KCNK15: variants seen among roughly 807,000 people sequenced by gnomAD.
KCNK15 encodes potassium two pore domain channel subfamily K member 15.
KCNK15 carries 9 observed loss-of-function variants against 8.5 expected under a neutral mutation model. The observed-to-expected ratio is 1.06, with a 90% CI of 0.64 to 1.85. KCNK15 has a LOEUF of 1.85. Among genes scored for constraint, KCNK15 ranks in the 40% most tolerant of loss-of-function variants. The probability of loss-of-function intolerance (pLI) is 0.00; values close to 1 mark genes in which losing one functional copy is unlikely to be tolerated. For missense variants in KCNK15, 467 were observed against 476.8 expected, an observed-to-expected ratio of 0.98 and a Z score of 0.19; for synonymous variants, 224 against 232.7, an observed-to-expected ratio of 0.96 and a Z score of 0.34.
chr20:44,750,648 C>T lies in KCNK15; in HGVS notation c.803C>T (p.Ala268Val), dbSNP rs769302905. Residue 268 changes from alanine (A) to valine (V), a missense_variant, in exon 2 of 2, where the codon GCG becomes GTG. By Grantham distance (64) the Ala-to-Val change is moderately conservative. Coordinates refer to ENST00000372861, the MANE Select transcript of KCNK15 (RefSeq NM_022358.4). ...ARTPSPRPPG[A>V]PESRGLWLPR... The stretch of plus-strand genomic sequence containing the variant: ...ACCCCCAGCCCGCGCCCCCCGGGGG[C>T]GCCCGAGAGCCGTGGCCTCTGGCTG... 2 of 1,512,308 alleles carry T rather than the reference C, an allele frequency of 1.3e-6. No individual in the cohort carries two copies. The highest frequency in any genetic ancestry group is 1.2e-5 in the South Asian group (1 of 80,460). 93.7% of individuals were successfully genotyped at this position (1,512,308 alleles called of 1,614,324 possible).
chr20:44,750,875 A>G lies in KCNK15; in HGVS notation c.*37A>G. On this transcript the variant is annotated 3_prime_UTR_variant, in exon 2 of 2. Transcript: ENST00000372861. ...AGGCCAGGGTCGAATCTGGAATGGG[A>G]GGGTCTGGCTTCAGCTATCAGGGCA... 1 of 1,305,608 alleles carries G rather than the reference A, an allele frequency of 7.7e-7. No individual in the cohort carries two copies. Among genetic ancestry groups the G allele is most frequent in the South Asian group, 1.9e-5 (1 of 51,976 alleles). 80.9% of individuals were successfully genotyped at this position (1,305,608 alleles called of 1,614,324 possible).
At chr20:44,747,116 G>A (rs2066010999) in intron 1 of KCNK15, 1 of 152,258 alleles carries the variant, frequency 6.6e-6, no homozygotes, top group Non-Finnish European at 1.5e-5. Flanking sequence ...CAGTGCCTTG[G>A]AGAAAGTTTC....
At position 44,750,659 on chromosome 20, in the gene KCNK15, C is replaced by G. The variant is rs1356001247; in HGVS notation, c.814C>G (p.Arg272Gly). Residue 272 changes from arginine to glycine, a missense_variant, in exon 2 of 2, where the codon CGT becomes GGT. This residue lies in a region of KCNK15 where 455 missense variants were observed against 441.2 expected (regional missense o/e 1.03). Transcript: ENST00000372861. The part of the protein sequence containing the change: ...SPRPPGAPES[R>G]GLWLPRRPAR... ...GCGCCCCCCGGGGGCGCCCGAGAGCCGTGGCCTCTGGCTGCCCCGCCGCCC... is the reference window on the plus strand; with the variant it reads ...GCGCCCCCCGGGGGCGCCCGAGAGCGGTGGCCTCTGGCTGCCCCGCCGCCC... 4 of 1,500,004 alleles carry G rather than the reference C, an allele frequency of 2.7e-6. No homozygotes were observed. Among genetic ancestry groups the G allele is most frequent in the Admixed American group, 2.2e-5 (1 of 45,784 alleles). 92.9% of individuals were successfully genotyped at this position (1,500,004 alleles called of 1,614,324 possible). A position where few individuals can be genotyped will look rare whatever the true frequency, so the allele number is the denominator to read the frequency against.
At chr20:44,748,288 C>T (rs2066015700) in intron 1 of KCNK15, among the ~76,000 whole-genome samples, 1 of 152,092 alleles carries the variant, frequency 6.6e-6, no homozygotes, top group Admixed American at 6.5e-5. Context: ...ATGGGGACTA[C>T]ACCACCATCG....
intron 1 of KCNK15, among the ~76,000 whole-genome samples, chr20:44,748,846 G>T (rs1190465947): frequency 6.6e-6 from 1 of 152,132 alleles, no homozygotes; most frequent in East Asian, 1.9e-4. Context: ...GATGCCAGTA[G>T]CACACAGCCA....
chr20:44,750,669 G>C lies in KCNK15; in HGVS notation c.824G>C (p.Trp275Ser). ...PPGAPESRGL[W>S]LPRRPARSVG... The stretch of plus-strand genomic sequence containing the variant: ...GGGGCGCCCGAGAGCCGTGGCCTCT[G>C]GCTGCCCCGCCGCCCGGCCCGCTCC... The change falls in exon 2 of 2, where the codon TGG becomes TCG. Residue 275 changes from tryptophan to serine, a missense_variant. Trp to Ser is a radical substitution (Grantham distance 177, BLOSUM62 -3). Transcript: ENST00000372861. 6.8e-7 allele frequency: 1 copy of C among 1,481,204 alleles called. No individual in the cohort carries two copies. The highest frequency in any genetic ancestry group is 8.9e-7 in the Non-Finnish European group (1 of 1,123,394). 91.8% of individuals were successfully genotyped at this position (1,481,204 alleles called of 1,614,324 possible).
chr20:44,746,107 C>T lies in KCNK15; in HGVS notation c.197C>T (p.Ala66Val). 2 of 1,498,856 alleles carry T rather than the reference C, an allele frequency of 1.3e-6. No individual in the cohort carries two copies. Among genetic ancestry groups the T allele is most frequent in the African/African-American group, 1.4e-5 (1 of 69,054 alleles). 92.8% of individuals were successfully genotyped at this position (1,498,856 alleles called of 1,614,324 possible). Residue 66 changes from alanine to valine, a missense_variant, in exon 1 of 2, where the codon GCG becomes GTG. Physicochemically the swap from Ala to Val is moderately conservative, Grantham distance 64 (BLOSUM62 0). Around this residue, in one of 2 missense-constraint regions of KCNK15, gnomAD observed 455 missense variants for 441.2 expected, o/e 1.03. Coordinates refer to ENST00000372861, the MANE Select transcript of KCNK15 (RefSeq NM_022358.4). ...AEDYRELERLALQAEPHRAGR... is the reference protein window; with the variant it reads ...AEDYRELERLVLQAEPHRAGR... The stretch of plus-strand genomic sequence containing the variant: ...GACTACCGCGAGCTGGAGCGCCTGG[C>T]GCTCCAGGCTGAGCCCCACCGCGCC...
chr20:44,746,910 T>A lies in KCNK15; in HGVS notation c.283+717T>A, dbSNP rs117336792. ...CTCTGCCCTCAGGGATGCAGAGCAG[T>A]TCCTTTGGAGCATCTGGACCACCAG... On this transcript the variant is annotated intron_variant, in intron 1 of 1. Transcript: ENST00000372861. The A allele has an allele frequency of 1.1e-4, 16 of 152,288 alleles. No homozygotes were observed. The East Asian group carries it at 3.1e-3, about 29-fold the overall frequency. The allele number at this position is 152,288 out of a possible 1,614,324, so 9.4% of individuals were successfully genotyped here. A position where few individuals can be genotyped will look rare whatever the true frequency, so the allele number is the denominator to read the frequency against.
chr20:44,750,896 G>C lies in KCNK15; in HGVS notation c.*58G>C. The C allele has an allele frequency of 8.5e-7, 1 of 1,179,988 alleles. No individual in the cohort carries two copies. The highest frequency in any genetic ancestry group is 3.2e-5 in the East Asian group (1 of 31,366). 73.1% of individuals were successfully genotyped at this position (1,179,988 alleles called of 1,614,324 possible). On this transcript the variant is annotated 3_prime_UTR_variant, in exon 2 of 2. Coordinates refer to ENST00000372861, the MANE Select transcript of KCNK15 (RefSeq NM_022358.4). ...TGGGAGGGTCTGGCTTCAGCTATCA[G>C]GGCACCCTCCCCAGGGATTGGAAAC...
Position 44,750,877 on chromosome 20 carries a change from G to T in KCNK15, c.*39G>T. On this transcript the variant is annotated 3_prime_UTR_variant, in exon 2 of 2. Transcript: ENST00000372861. ...GCCAGGGTCGAATCTGGAATGGGAG[G>T]GTCTGGCTTCAGCTATCAGGGCACC... The T allele has an allele frequency of 7.7e-7, 1 of 1,294,236 alleles. No homozygotes were observed. Among genetic ancestry groups the T allele is most frequent in the Non-Finnish European group, 9.9e-7 (1 of 1,008,512 alleles). The allele number at this position is 1,294,236 out of a possible 1,614,324, so 80.2% of individuals were successfully genotyped here.
intron 1 of KCNK15, chr20:44,746,513 G>C: frequency 3.7e-6 from 1 of 268,642 alleles, no homozygotes; most frequent in Non-Finnish European, 7.0e-6. Flanking sequence ...GGGAGACCAA[G>C]TGGCTGGATT....
chr20:44,748,926 C>A (rs1448565389), intron 1 of KCNK15, among the ~76,000 whole-genome samples: 1 of 152,196 alleles, frequency 6.6e-6, no homozygotes, highest in Non-Finnish European at 1.5e-5. Context: ...CCCTCAAAGG[C>A]AAAACCACCC....
At chr20:44,747,600 T>C (rs2066012733) in intron 1 of KCNK15, among the ~76,000 whole-genome samples, 1 of 152,226 alleles carries the variant, frequency 6.6e-6, no homozygotes, top group Admixed American at 6.5e-5. Context: ...TTTGGCCTCT[T>C]ACCCTGGTTC....
chr20:44,750,500 C>T lies in KCNK15; in HGVS notation c.655C>T (p.Pro219Ser). ...CGGCGAGGCGCTGCAGAGGAAGCTC[C>T]CCTACGTGGCCTTCAGCTTCCTCTA... is the stretch of plus-strand genomic sequence containing the variant. ...QSGEALQRKLPYVAFSFLYIL... is the reference protein window; with the variant it reads ...QSGEALQRKLSYVAFSFLYIL... Residue 219 changes from proline (P) to serine (S), a missense_variant, in exon 2 of 2, where the codon CCC (proline) becomes TCC (serine). Physicochemically the swap from Pro to Ser is moderately conservative, Grantham distance 74. Around this residue, in one of 2 missense-constraint regions of KCNK15, gnomAD observed 455 missense variants for 441.2 expected, o/e 1.03. Coordinates refer to ENST00000372861, the MANE Select transcript of KCNK15 (RefSeq NM_022358.4). 6.2e-7 allele frequency: 1 copy of T among 1,613,950 alleles called. No individual in the cohort carries two copies.
At position 44,745,898 on chromosome 20, in the gene KCNK15, G is replaced by A; in HGVS notation, c.-13G>A. On this transcript the variant is annotated 5_prime_UTR_variant, in exon 1 of 2. Transcript: ENST00000372861. ...CAGGTTGGGACCGCGGCGGGTACCG[G>A]GGCCGGGGCGCCATGCGGAGGCCGA... The A allele has an allele frequency of 7.7e-7, 1 of 1,294,796 alleles. No individual in the cohort carries two copies. 80.2% of individuals were successfully genotyped at this position (1,294,796 alleles called of 1,614,324 possible).
intron 1 of KCNK15, 147 bp downstream of exon 1, chr20:44,746,340 G>A (rs1315371339): frequency 6.0e-6 from 4 of 667,478 alleles, no homozygotes; most frequent in Non-Finnish European, 8.7e-6. Flanking sequence ...CATCTCCTTC[G>A]CCTCCCTCGT....
At position 44,751,738 on chromosome 20, in the gene KCNK15, C is replaced by T. The variant is rs926318066; in HGVS notation, c.*900C>T. On this transcript the variant is annotated 3_prime_UTR_variant, in exon 2 of 2. Coordinates refer to ENST00000372861, the MANE Select transcript of KCNK15 (RefSeq NM_022358.4). ...CCCGAGGTGTGGCATCCTGGCACCC[C>T]GTGGCACTCAGCCACTTCCCCTGGC... The T allele has an allele frequency of 1.4e-4, 22 of 152,306 alleles. No homozygotes were observed. Among genetic ancestry groups the T allele is most frequent in the African/African-American group, 4.8e-4 (20 of 41,554 alleles). The allele number at this position is 152,306 out of a possible 1,614,324, so 9.4% of individuals were successfully genotyped here.
rs1218778389 is a variant in KCNK15, at chr20:44,750,698, G to A, written c.853G>A (p.Gly285Ser). 6.7e-7 allele frequency: 1 copy of A among 1,501,628 alleles called. No homozygotes were observed. The highest frequency in any genetic ancestry group is 2.8e-5 in the East Asian group (1 of 36,092). 93.0% of individuals were successfully genotyped at this position (1,501,628 alleles called of 1,614,324 possible). ...WLPRRPARSVGSASVFCHVHK... is the reference protein window; with the variant it reads ...WLPRRPARSVSSASVFCHVHK... ...GCCCCGCCGCCCGGCCCGCTCCGTG[G>A]GCTCCGCCTCTGTCTTCTGCCACGT... Residue 285 changes from glycine to serine, a missense_variant, in exon 2 of 2, where the codon GGC (glycine) becomes AGC (serine). Transcript: ENST00000372861.
In KCNK15 at chr20:44,750,140, G is replaced by A. The variant is rs1181815975; in HGVS notation, c.295G>A (p.Ala99Thr). 2.5e-6 allele frequency: 4 copies of A among 1,608,694 alleles called. No homozygotes were observed. Among genetic ancestry groups the A allele is most frequent in the African/African-American group, 1.3e-5 (1 of 74,890 alleles). The part of the protein sequence containing the change: ...TVITTIEYGH[A>T]APGTDSGKVF... The stretch of plus-strand genomic sequence containing the variant: ...CTCTCCCTGCATAGAGTACGGCCAC[G>A]CCGCGCCGGGTACGGACTCCGGCAA... The change falls in exon 2 of 2, where the codon GCC (alanine) becomes ACC (threonine). Residue 99 changes from alanine to threonine, a missense_variant. This residue lies in a region of KCNK15 where 455 missense variants were observed against 441.2 expected (regional missense o/e 1.03). Coordinates refer to ENST00000372861, the MANE Select transcript of KCNK15 (RefSeq NM_022358.4).
Sources: allele counts gnomAD v4.1 joint callset (sites outside exome capture counted in the v4.1 genomes callset), GRCh38; gene constraint gnomAD v4.1.1; regional missense constraint gnomAD v4.1.1; transcripts MANE v1.5; gene names NCBI Gene and HGNC (gene_info 2026-07-23, HGNC 2026-07-21).